The following MAMDC2 variants were observed in gnomAD, a reference collection of about 807,000 sequenced individuals.
MAMDC2 encodes the protein MAM domain-containing protein 2.
MAMDC2 carries 57 observed loss-of-function variants against 89.8 expected under a neutral mutation model. That is an observed-to-expected ratio of 0.63 (90% CI 0.51 to 0.79). The LOEUF (loss-of-function observed/expected upper bound fraction) is 0.79. Ranked by LOEUF, MAMDC2 falls within the 30% of genes least tolerant of loss-of-function variation. The pLI, the probability that MAMDC2 is intolerant of heterozygous loss-of-function variation, is 0.00. For missense variants in MAMDC2, 800 were observed against 820.6 expected (o/e 0.97, Z 0.31); for synonymous variants, 313 against 293.4 (o/e 1.07, Z -0.68).
chr9:70,062,779 A>G (rs1394115415), intron 2 of MAMDC2: 1 of 152,206 alleles, frequency 6.6e-6, no homozygotes, highest in African/African-American at 2.4e-5. Context: ...CCATCAGAAT[A>G]AATTCTTCTA....
At chr9:70,055,667 T>A (rs553221803) in intron 2 of MAMDC2, among the ~76,000 whole-genome samples, 1 of 152,310 alleles carries the variant, frequency 6.6e-6, no homozygotes, top group South Asian at 2.1e-4. Context: ...TTGGAAGGCA[T>A]CAAGTAGAGA....
intron 8 of MAMDC2, 120 bp from the exon 9 acceptor site, chr9:70,143,434 C>G (rs1319477407): frequency 2.7e-6 from 3 of 1,110,742 alleles, no homozygotes; most frequent in Non-Finnish European, 3.8e-6. Context: ...AAAATGCTTT[C>G]TATCATTTAA....
intron 2 of MAMDC2, among the ~76,000 whole-genome samples, chr9:70,094,146 A>C (rs1290486127): frequency 6.6e-6 from 1 of 152,202 alleles, no homozygotes; most frequent in African/African-American, 2.4e-5. Context: ...GCCAGGCTTA[A>C]TGCTTTGTAA....
intron 7 of MAMDC2, among the ~76,000 whole-genome samples, chr9:70,131,929 C>G (rs544366045): frequency 6.6e-6 from 1 of 152,290 alleles, no homozygotes; most frequent in East Asian, 1.9e-4. Flanking sequence ...TAGAGGATAT[C>G]TTGGGCCCAT....
At chr9:70,172,893 A>C (rs1366272470) in intron 11 of MAMDC2, 1 of 152,742 alleles carries the variant, frequency 6.5e-6, no homozygotes, top group Non-Finnish European at 1.5e-5. Context: ...GATGTTAAAA[A>C]TATAACTAGA....
At chr9:70,137,087 C>T (rs1353893921) in intron 7 of MAMDC2, among the ~76,000 whole-genome samples, 1 of 152,044 alleles carries the variant, frequency 6.6e-6, no homozygotes, top group Non-Finnish European at 1.5e-5. Flanking sequence ...CAATCAGGTT[C>T]TAGTTATATA....
At chr9:70,102,504 T>G (rs904379679) in intron 2 of MAMDC2, among the ~76,000 whole-genome samples, 11 of 152,194 alleles carry the variant, frequency 7.2e-5, no homozygotes, top group African/African-American at 2.7e-4. Context: ...GTTCTGGCCA[T>G]GCAGATGTGT....
intron 9 of MAMDC2, among the ~76,000 whole-genome samples, chr9:70,159,714 C>T (rs559437546): frequency 5.4e-4 from 82 of 152,326 alleles, no homozygotes; most frequent in African/African-American, 1.9e-3. Context: ...AAGTGAGCCA[C>T]AACAATGACT....
chr9:70,168,851 G>GT, intron 10 of MAMDC2, 56 bp downstream of exon 10: 1 of 1,372,818 alleles, frequency 7.3e-7, no homozygotes, highest in East Asian at 2.3e-5. Context: ...TACATTTCCT[G>GT]TATCGCTGAG....
intron 5 of MAMDC2, among the ~76,000 whole-genome samples, chr9:70,122,792 C>T (rs1343925374): frequency 2.0e-5 from 3 of 151,958 alleles, no homozygotes; most frequent in African/African-American, 7.3e-5. Flanking sequence ...GAGGAATGAG[C>T]CCACAAAAGT....
At chr9:70,201,915 T>A (rs1405283683) in intron 11 of MAMDC2, among the ~76,000 whole-genome samples, 6 of 143,408 alleles carry the variant, frequency 4.2e-5, no homozygotes, top group African/African-American at 1.0e-4. Flanking sequence ...TTTATCATTT[T>A]TTATTGTGTC....
rs541617325 is a variant in MAMDC2 at position 70,218,026 on chromosome 9, T to C, written c.1652-311T>C. Among the ~76,000 whole-genome samples, 5 of 152,322 alleles carry C rather than the reference T, an allele frequency of 3.3e-5. No individual in the cohort carries two copies. The East Asian group carries it at 7.7e-4, about 23-fold the overall frequency. ...ACCAACGTCTGGAAGCTTTAGGATATTGTCCATGAATAAGTAATATAAATT... is the reference window on the plus strand; with the variant it reads ...ACCAACGTCTGGAAGCTTTAGGATACTGTCCATGAATAAGTAATATAAATT... On this transcript the variant is annotated intron_variant, in intron 11 of 13. Transcript: ENST00000377182.
intron 11 of MAMDC2, among the ~76,000 whole-genome samples, chr9:70,207,337 T>C (rs572871042): frequency 1.3e-5 from 2 of 152,230 alleles, no homozygotes; most frequent in East Asian, 1.9e-4. Flanking sequence ...TGGTGTGAGA[T>C]GGTATCTCAT....
At chr9:70,168,569 T>C in intron 9 of MAMDC2, 133 bp from the exon 10 acceptor site, 1 of 638,206 alleles carries the variant, frequency 1.6e-6, no homozygotes, top group South Asian at 1.9e-5. Flanking sequence ...CTGTGTTCTG[T>C]TGTTCATACG....
chr9:70,196,365 A>G (rs554037931), intron 11 of MAMDC2, among the ~76,000 whole-genome samples: 1 of 152,228 alleles, frequency 6.6e-6, no homozygotes, highest in South Asian at 2.1e-4. Flanking sequence ...GCCACAGTAC[A>G]TGATAAGTAT....
intron 2 of MAMDC2, among the ~76,000 whole-genome samples, chr9:70,048,675 A>G (rs1227176524): frequency 6.6e-6 from 1 of 152,226 alleles, no homozygotes; most frequent in African/African-American, 2.4e-5. Context: ...TTCACAGCTC[A>G]GAGGATCTGG....
chr9:70,168,475 G>C (rs949755045), intron 9 of MAMDC2: 1 of 431,026 alleles, frequency 2.3e-6, no homozygotes, highest in Admixed American at 3.6e-5. Context: ...CTTGGCGACA[G>C]AGCGAGACTC....
chr9:70,074,680 G>T (rs1827489948), intron 2 of MAMDC2, among the ~76,000 whole-genome samples: 1 of 152,226 alleles, frequency 6.6e-6, no homozygotes, highest in Non-Finnish European at 1.5e-5. Flanking sequence ...AGTCGCCAAA[G>T]TGAGGGACTC....
chr9:70,087,263 G>A (rs1004691715), intron 2 of MAMDC2: 6 of 152,158 alleles, frequency 3.9e-5, no homozygotes, highest in Non-Finnish European at 7.4e-5. Context: ...ATTGGCTTAA[G>A]CTAAAGAAGG....
Sources: allele counts gnomAD v4.1 joint callset (sites outside exome capture counted in the v4.1 genomes callset), GRCh38; gene constraint gnomAD v4.1.1; transcripts MANE v1.5; gene names NCBI Gene and HGNC (gene_info 2026-07-23, HGNC 2026-07-21).